The following IL1RAPL1 variants were observed in gnomAD, a reference collection of about 807,000 sequenced individuals.
IL1RAPL1 encodes the protein interleukin-1 receptor accessory protein-like 1.
Under a neutral mutation model 48.4 loss-of-function variants are expected in IL1RAPL1, and 3 were observed. That is an observed-to-expected ratio of 0.06 (90% CI 0.03 to 0.16). The LOEUF (loss-of-function observed/expected upper bound fraction) is 0.16, where lower values mean the gene tolerates loss of function less well. Ranked by LOEUF, IL1RAPL1 falls within the 10% of genes least tolerant of loss-of-function variation. The pLI is 1.00. For synonymous variants in IL1RAPL1, 185 were observed against 187.7 expected (o/e 0.99, Z 0.12); for missense variants, 349 against 530.6 (o/e 0.66, Z 3.36).
At position 29,596,414 on chromosome X, in the gene IL1RAPL1, G is replaced by A. The variant is rs1007646546; in HGVS notation, c.704-72016G>A. Among the ~76,000 whole-genome samples, 4 of 112,124 alleles carry A rather than the reference G, an allele frequency of 3.6e-5. No individual in the cohort carries two copies. In the South Asian group the frequency reaches 1.1e-3, roughly 31 times the overall value. On this transcript the variant is annotated intron_variant, in intron 5 of 10. Coordinates refer to ENST00000378993, the MANE Select transcript of IL1RAPL1 (RefSeq NM_014271.4). ...ATCATCTATGATTTCTTTCAGCAGC[G>A]TTTTGTATTTCATTTTTAGAGGTCT... is the stretch of plus-strand genomic sequence containing the variant.
intron 5 of IL1RAPL1, among the ~76,000 whole-genome samples, chrX:29,530,351 G>A (rs1935599760): frequency 9.0e-6 from 1 of 111,287 alleles, no homozygotes; most frequent in African/African-American, 3.3e-5. Flanking sequence ...GGAGATGTTA[G>A]ATGTGGGGAG....
chrX:29,319,311 C>T lies in IL1RAPL1; in HGVS notation c.362+36094C>T, dbSNP rs191910305. Among the ~76,000 whole-genome samples the T allele has an allele frequency of 2.3e-3, 244 of 105,061 alleles. 2 individuals are homozygous for T. The highest frequency in any genetic ancestry group is 8.1e-3 in the African/African-American group (234 of 28,827). The allele number at this position is 105,061 out of a possible 115,157, so 91.2% of individuals were successfully genotyped here. On this transcript the variant is annotated intron_variant, in intron 3 of 10. Coordinates refer to ENST00000378993, the MANE Select transcript of IL1RAPL1 (RefSeq NM_014271.4). ...GGCTCAAATGATCCTCTCACCTCAGCCTCCCGAGTAGCTAGAACTACAAGT... is the reference window on the plus strand; with the variant it reads ...GGCTCAAATGATCCTCTCACCTCAGTCTCCCGAGTAGCTAGAACTACAAGT...
intron 8 of IL1RAPL1, among the ~76,000 whole-genome samples, chrX:29,922,034 A>G (rs12860931): frequency 0.07 from 7,766 of 111,119 alleles, 251 homozygotes; most frequent in Admixed American, 0.12. Context: ...GCACATAAAA[A>G]TGTGTTGACT....
intron 5 of IL1RAPL1, among the ~76,000 whole-genome samples, chrX:29,554,299 C>G (rs1921921105): frequency 1.8e-5 from 2 of 110,573 alleles, no homozygotes; most frequent in Admixed American, 9.6e-5. Context: ...CCCCTGTAAA[C>G]TTTTAGGAAA....
chrX:29,758,695 C>CAAA (rs1164955874), intron 6 of IL1RAPL1, among the ~76,000 whole-genome samples: 64 of 95,121 alleles, frequency 6.7e-4, no homozygotes, highest in African/African-American at 2.5e-3. Flanking sequence ...AAACTCTTCT[C>CAAA]AAAAAAAAAA....
intron 1 of IL1RAPL1, among the ~76,000 whole-genome samples, chrX:28,654,923 C>A (rs944716601): frequency 5.4e-5 from 6 of 111,482 alleles, no homozygotes; most frequent in African/African-American, 9.8e-5. Context: ...AAATATTTTT[C>A]AAAATGTATC....
intron 9 of IL1RAPL1, among the ~76,000 whole-genome samples, chrX:29,947,442 T>C (rs1021336661): frequency 9.0e-6 from 1 of 111,541 alleles, no homozygotes; most frequent in Non-Finnish European, 1.9e-5. Flanking sequence ...ACGAATCCTA[T>C]TTTAAAGATG....
intron 2 of IL1RAPL1, among the ~76,000 whole-genome samples, chrX:29,237,356 A>C (rs900762851): frequency 8.9e-6 from 1 of 112,234 alleles, no homozygotes; most frequent in African/African-American, 3.2e-5. Context: ...ATCATTAAAC[A>C]GCTGCAAGCA....
intron 2 of IL1RAPL1, among the ~76,000 whole-genome samples, chrX:28,928,171 TA>T (rs1923795218): frequency 9.0e-6 from 1 of 111,535 alleles, no homozygotes; most frequent in South Asian, 3.7e-4. Flanking sequence ...GTCAAATTTA[TA>T]AATGCTTTTA....
At chrX:28,604,715 G>A (rs1339575659) in intron 1 of IL1RAPL1, among the ~76,000 whole-genome samples, 1 of 65,706 alleles carries the variant, frequency 1.5e-5, no homozygotes, top group Non-Finnish European at 2.6e-5. Flanking sequence ...GACAGAGCGA[G>A]ACTCAAAAAA....
intron 5 of IL1RAPL1, among the ~76,000 whole-genome samples, chrX:29,554,657 A>G (rs1228601170): frequency 9.0e-6 from 1 of 111,625 alleles, no homozygotes; most frequent in Non-Finnish European, 1.9e-5. Context: ...TAAGTTCCAC[A>G]GTAGGAGCTA....
At chrX:29,620,959 C>A (rs1215335693) in intron 5 of IL1RAPL1, among the ~76,000 whole-genome samples, 1 of 111,900 alleles carries the variant, frequency 8.9e-6, no homozygotes, top group East Asian at 2.8e-4. Context: ...TTTGTTAGAA[C>A]CTTCTTTAAA....
chrX:28,714,761 C>G (rs1402369013), intron 1 of IL1RAPL1, among the ~76,000 whole-genome samples: 1 of 111,891 alleles, frequency 8.9e-6, no homozygotes, highest in Admixed American at 9.5e-5. Flanking sequence ...TAAGGTGTGA[C>G]AAGTTATTAG....
intron 6 of IL1RAPL1, among the ~76,000 whole-genome samples, chrX:29,781,494 A>T (rs942413459): frequency 1.8e-5 from 2 of 112,089 alleles, no homozygotes; most frequent in Non-Finnish European, 3.8e-5. Flanking sequence ...ACTACAGTTG[A>T]ACAGTGGTAA....
At chrX:28,932,888 G>T (rs1923922709) in intron 2 of IL1RAPL1, among the ~76,000 whole-genome samples, 1 of 110,594 alleles carries the variant, frequency 9.0e-6, no homozygotes, top group Non-Finnish European at 1.9e-5. Context: ...TTTTCAAAAT[G>T]CCAAAGTTAT....
intron 2 of IL1RAPL1, among the ~76,000 whole-genome samples, chrX:28,794,192 G>T (rs1936585342): frequency 9.0e-6 from 1 of 111,331 alleles, no homozygotes; most frequent in Non-Finnish European, 1.9e-5. Context: ...GACATAATAA[G>T]GGTTTAGATG....
chrX:29,242,018 T>C (rs571523672), intron 2 of IL1RAPL1, among the ~76,000 whole-genome samples: 1 of 111,762 alleles, frequency 8.9e-6, no homozygotes, highest in East Asian at 2.8e-4. Flanking sequence ...AGAGTCTTCA[T>C]GATTCACTCA....
intron 7 of IL1RAPL1, among the ~76,000 whole-genome samples, chrX:29,918,913 C>A (rs1932825399): frequency 8.9e-6 from 1 of 112,184 alleles, no homozygotes. Context: ...GTTACAACCA[C>A]ATCAAAATGA....
chrX:29,613,266 A>C, intron 5 of IL1RAPL1, among the ~76,000 whole-genome samples: 1 of 112,359 alleles, frequency 8.9e-6, no homozygotes, highest in East Asian at 2.8e-4. Context: ...TCAATGTAAA[A>C]ATTTATTGAT....
Sources: allele counts gnomAD v4.1 joint callset (sites outside exome capture counted in the v4.1 genomes callset), GRCh38; gene constraint gnomAD v4.1.1; transcripts MANE v1.5; gene names NCBI Gene and HGNC (gene_info 2026-07-23, HGNC 2026-07-21).